Variants in CELSR3 observed in about 807,000 individuals in gnomAD.
The protein encoded by CELSR3 is EGF-like protein 1.
CELSR3 carries 73 observed loss-of-function variants against 270.0 expected under a neutral mutation model. The observed-to-expected ratio is 0.27, with a 90% CI of 0.22 to 0.33. The LOEUF is 0.33. CELSR3 is among the 10% of genes least tolerant of loss of function. The pLI is 1.00. For missense variants in CELSR3, 3,614 were observed against 4,533.8 expected, an observed-to-expected ratio of 0.80 and a Z score of 5.83; for synonymous variants, 1,780 against 1,905.4, an observed-to-expected ratio of 0.93 and a Z score of 1.71.
chr3:48,648,981 G>A (rs2047112968), intron 17 of CELSR3, 53 bp from the exon 18 acceptor site: 1 of 1,590,176 alleles, frequency 6.3e-7, no homozygotes, highest in Non-Finnish European at 8.6e-7. Context: ...TTCCTCTAAA[G>A]CTTCACAGGG....
At position 48,657,188 on chromosome 3, in the gene CELSR3, G is replaced by A. The variant is rs760359780; in HGVS notation, c.3909C>T (p.Leu1303=). 3 of 1,613,870 alleles carry A rather than the reference G, an allele frequency of 1.9e-6. No individual in the cohort carries two copies. Among genetic ancestry groups the A allele is most frequent in the East Asian group, 2.2e-5 (1 of 44,876 alleles). ...GRFLEGVAAV[L]ATPAEDVFIF... ...TGAAGACGTCCTCAGCGGGCGTAGC[G>A]AGCACCGCAGCCACGCCCTCGAGGA... Residue 1303 remains leucine (L), a synonymous_variant, in exon 2 of 35, where the codon CTC becomes CTT. Coordinates refer to ENST00000164024, the MANE Select transcript of CELSR3 (RefSeq NM_001407.3). This position sits in a 1 kb window ranked among gnomAD's most constrained non-coding sequence, Gnocchi z 5.4.
rs777018320 is a variant in CELSR3, at chr3:48,659,862, C to T, written c.2773G>A (p.Val925Met). Reference sequence around the variant, plus strand: ...GCTGTGATAGCCAGGGTGTAGGTCACCTGGTCCTCATAGTCTAATGGGGCC... The same window carrying T: ...GCTGTGATAGCCAGGGTGTAGGTCATCTGGTCCTCATAGTCTAATGGGGCC... ...LQAPLDYEDQ[V>M]TYTLAITARD... is the part of the protein sequence containing the mutation. Residue 925 changes from valine (V) to methionine (M), a missense_variant, in exon 1 of 35, where the codon GTG becomes ATG. Physicochemically the swap from Val to Met is conservative, Grantham distance 21. Around this residue, in one of 7 missense-constraint regions of CELSR3, gnomAD observed 1,331 missense variants for 1,933.7 expected, o/e 0.69. Transcript: ENST00000164024. This position sits in a 1 kb window ranked among gnomAD's most constrained non-coding sequence, Gnocchi z 8.1. 1.2e-6 allele frequency: 2 copies of T among 1,614,160 alleles called. No individual in the cohort carries two copies. Among genetic ancestry groups the T allele is most frequent in the Admixed American group, 3.3e-5 (2 of 60,018 alleles).
Position 48,652,481 on chromosome 3 carries a change from CG to C in CELSR3, c.5706del (p.Gly1903AlafsTer36). ...CCCTGAGGAGCCTCCTCTGCACTGCCGGGGGGCAGGCCTCCCACGTGGAGCT... is the reference window on the plus strand; with the variant it reads ...CCCTGAGGAGCCTCCTCTGCACTGCCGGGGGCAGGCCTCCCACGTGGAGCT... ...VKQLHVGGLP[P>X]GSAEEAPQGL... On this transcript the variant is annotated frameshift_variant, in exon 11 of 35. Transcript: ENST00000164024. LOFTEE classifies it high-confidence loss of function. The surrounding 1 kb of genome is among the most constrained non-coding windows in gnomAD (Gnocchi z 4.3). The C allele has an allele frequency of 6.2e-7, 1 of 1,613,736 alleles. No individual in the cohort carries two copies. The highest frequency in any genetic ancestry group is 8.5e-7 in the Non-Finnish European group (1 of 1,179,934).
At chr3:48,656,572 T>C in intron 2 of CELSR3, 126 bp downstream of exon 2, 1 of 1,308,706 alleles carries the variant, frequency 7.6e-7, no homozygotes, top group Non-Finnish European at 1.0e-6. Context: ...CTCTACGGCT[T>C]CTGGCCTAAG....
rs2047050402 is a variant in CELSR3 at position 48,643,624 on chromosome 3, A to G, written c.8219T>C (p.Phe2740Ser). ...LLLLVSASWLFGLLAVNHSIL... is the reference protein window; with the variant it reads ...LLLLVSASWLSGLLAVNHSIL... ...GCTGTGGTTGACTGCCAGGAGCCCA[A>G]AGAGCCAGGAGGCACTGACCAGCAG... Residue 2740 changes from phenylalanine (F) to serine (S), a missense_variant, in exon 28 of 35, where the codon TTT becomes TCT. Transcript: ENST00000164024. The G allele has an allele frequency of 6.4e-7, 1 of 1,551,376 alleles. No homozygotes were observed. Among genetic ancestry groups the G allele is most frequent in the Non-Finnish European group, 8.7e-7 (1 of 1,147,126 alleles).
In CELSR3 at chr3:48,640,396, G is replaced by A. The variant is rs1292678337; in HGVS notation, c.9189C>T (p.Ala3063=). ...GGGTGSLSQP[A]SRYSSREQLD... ...GCTGTTCTCTAGAAGAGTAGCGGCTGGCTGGCTGTGAAAGGCTGCCCGTGC... is the reference window on the plus strand; with the variant it reads ...GCTGTTCTCTAGAAGAGTAGCGGCTAGCTGGCTGTGAAAGGCTGCCCGTGC... The change falls in exon 34 of 35, where the codon GCC becomes GCT. Residue 3063 remains alanine, a synonymous_variant. Coordinates refer to ENST00000164024, the MANE Select transcript of CELSR3 (RefSeq NM_001407.3). The surrounding 1 kb of genome is among the most constrained non-coding windows in gnomAD (Gnocchi z 7.5). 6 of 1,612,550 alleles carry A rather than the reference G, an allele frequency of 3.7e-6. No homozygotes were observed. Among genetic ancestry groups the A allele is most frequent in the Non-Finnish European group, 5.1e-6 (6 of 1,179,930 alleles).
chr3:48,655,826 GC>G lies in CELSR3; in HGVS notation c.4650del (p.Leu1551CysfsTer8). The G allele has an allele frequency of 7.5e-7, 1 of 1,341,176 alleles. No individual in the cohort carries two copies. The highest frequency in any genetic ancestry group is 1.2e-5 in the South Asian group (1 of 86,922). The allele number at this position is 1,341,176 out of a possible 1,614,324, so 83.1% of individuals were successfully genotyped here. ...SLSFATVQQS[G>X]LLFYNGRLNE... The stretch of plus-strand genomic sequence containing the variant: ...TTCAGGCGCCCGTTGTAGAAGAGCA[GC>G]CCGCTCTGCTGCACTGTCGCGAACC... On this transcript the variant is annotated frameshift_variant, in exon 4 of 35. Transcript: ENST00000164024. LOFTEE classifies it high-confidence loss of function. The surrounding 1 kb of genome is among the most constrained non-coding windows in gnomAD (Gnocchi z 5.8).
Position 48,653,520 on chromosome 3 carries a change from G to GA in CELSR3, c.5448+98dup. The GA allele has an allele frequency of 7.0e-7, 1 of 1,437,234 alleles. No homozygotes were observed. The highest frequency in any genetic ancestry group is 1.3e-5 in the South Asian group (1 of 78,422). 89.0% of individuals were successfully genotyped at this position (1,437,234 alleles called of 1,614,324 possible). A position where few individuals can be genotyped will look rare whatever the true frequency, so the allele number is the denominator to read the frequency against. ...TCAAGTGTGGTTGGGACACCTGGCA[G>GA]AAAAGTATGCTGTGTGACCAACCTG... On this transcript the variant is annotated intron_variant, in intron 9 of 34. Transcript: ENST00000164024. This position sits in a 1 kb window ranked among gnomAD's most constrained non-coding sequence, Gnocchi z 6.5.
chr3:48,640,717 C>A lies in CELSR3; in HGVS notation c.9026-158G>T. On this transcript the variant is annotated intron_variant, in intron 33 of 34. Coordinates refer to ENST00000164024, the MANE Select transcript of CELSR3 (RefSeq NM_001407.3). The surrounding 1 kb of genome is among the most constrained non-coding windows in gnomAD (Gnocchi z 7.5). ...GCAGCAGAGGCAACCCTGGTGGTCC[C>A]AGAGAGGCAGCAGGACAGGGGTCAG... is the stretch of plus-strand genomic sequence containing the variant. The A allele has an allele frequency of 1.3e-6, 1 of 742,908 alleles. No individual in the cohort carries two copies. Among genetic ancestry groups the A allele is most frequent in the Non-Finnish European group, 2.1e-6 (1 of 477,520 alleles). 46.0% of individuals were successfully genotyped at this position (742,908 alleles called of 1,614,324 possible).
chr3:48,646,959 G>A lies in CELSR3; in HGVS notation c.7130-31C>T, dbSNP rs1439844349. On this transcript the variant is annotated intron_variant, in intron 20 of 34. Coordinates refer to ENST00000164024, the MANE Select transcript of CELSR3 (RefSeq NM_001407.3). The surrounding 1 kb of genome is among the most constrained non-coding windows in gnomAD (Gnocchi z 4.8). ...AGGAGAGAAGGAGGAGCTTCTGTCA[G>A]TGACCTTTGACCCAAAGCACCCACC... 1.3e-6 allele frequency: 2 copies of A among 1,490,330 alleles called. No individual in the cohort carries two copies. Among genetic ancestry groups the A allele is most frequent in the South Asian group, 1.3e-5 (1 of 75,914 alleles). The allele number at this position is 1,490,330 out of a possible 1,614,324, so 92.3% of individuals were successfully genotyped here.
At position 48,641,555 on chromosome 3, in the gene CELSR3, C is replaced by T; in HGVS notation, c.8825-31G>A. On this transcript the variant is annotated intron_variant, in intron 32 of 34. Transcript: ENST00000164024. The surrounding 1 kb of genome is among the most constrained non-coding windows in gnomAD (Gnocchi z 4.8). Reference sequence around the variant, plus strand: ...GAGCCAGGTCAGGTTACAGGAGCTTCTGGGTTGATCCCAGTGACTCATGAC... The same window carrying T: ...GAGCCAGGTCAGGTTACAGGAGCTTTTGGGTTGATCCCAGTGACTCATGAC... 1 of 1,535,482 alleles carries T rather than the reference C, an allele frequency of 6.5e-7. No homozygotes were observed. The highest frequency in any genetic ancestry group is 1.1e-5 in the South Asian group (1 of 89,194).
chr3:48,641,153 C>G lies in CELSR3; in HGVS notation c.9025+171G>C. On this transcript the variant is annotated intron_variant, in intron 33 of 34. Coordinates refer to ENST00000164024, the MANE Select transcript of CELSR3 (RefSeq NM_001407.3). The surrounding 1 kb of genome is among the most constrained non-coding windows in gnomAD (Gnocchi z 4.8). The stretch of plus-strand genomic sequence containing the variant: ...AGAGGGGGACAGAGAATTCCCAGGT[C>G]AGGACAGGAGCAGTCCCTGAGGACC... The G allele has an allele frequency of 1.6e-6, 1 of 607,036 alleles. No individual in the cohort carries two copies. Among genetic ancestry groups the G allele is most frequent in the East Asian group, 2.8e-5 (1 of 36,058 alleles). The allele number at this position is 607,036 out of a possible 1,614,324, so 37.6% of individuals were successfully genotyped here.
In CELSR3 at chr3:48,644,022, G is replaced by A. The variant is rs1235614418; in HGVS notation, c.8165+194C>T. On this transcript the variant is annotated intron_variant, in intron 27 of 34. Coordinates refer to ENST00000164024, the MANE Select transcript of CELSR3 (RefSeq NM_001407.3). The surrounding 1 kb of genome is among the most constrained non-coding windows in gnomAD (Gnocchi z 4.8). ...CCCAGAGGACAAGGAGAGACAGCAG[G>A]GCAGAAGCACATGTGGGGCTACAGT... 1 of 601,920 alleles carries A rather than the reference G, an allele frequency of 1.7e-6. No homozygotes were observed. Among genetic ancestry groups the A allele is most frequent in the Non-Finnish European group, 3.0e-6 (1 of 337,792 alleles). The allele number at this position is 601,920 out of a possible 1,614,324, so 37.3% of individuals were successfully genotyped here.
Position 48,637,284 on chromosome 3 carries a change from A to G in CELSR3, c.*921T>C, listed in dbSNP as rs2046979858. Reference sequence around the variant, plus strand: ...GTAAACATAGGAGGCAGTGGCACCTACATTCTGGGTCTTGAATTCCCTTGT... The same window carrying G: ...GTAAACATAGGAGGCAGTGGCACCTGCATTCTGGGTCTTGAATTCCCTTGT... On this transcript the variant is annotated 3_prime_UTR_variant, in exon 35 of 35. Transcript: ENST00000164024. 6.6e-6 allele frequency: 1 copy of G among 152,610 alleles called. No homozygotes were observed. The highest frequency in any genetic ancestry group is 2.4e-5 in the African/African-American group (1 of 41,426). 9.5% of individuals were successfully genotyped at this position (152,610 alleles called of 1,614,324 possible).
In CELSR3 at chr3:48,641,724, G is replaced by T; in HGVS notation, c.8824+127C>A. On this transcript the variant is annotated intron_variant, in intron 32 of 34. Transcript: ENST00000164024. The surrounding 1 kb of genome is among the most constrained non-coding windows in gnomAD (Gnocchi z 4.8). ...TGGAGGTGGACAGAGACTAAAAGTT[G>T]GGGAACCTGATGACTGAGGGGTCAG... 1 of 1,043,536 alleles carries T rather than the reference G, an allele frequency of 9.6e-7. No homozygotes were observed. Among genetic ancestry groups the T allele is most frequent in the Non-Finnish European group, 1.3e-6 (1 of 742,490 alleles). 64.6% of individuals were successfully genotyped at this position (1,043,536 alleles called of 1,614,324 possible). A position where few individuals can be genotyped will look rare whatever the true frequency, so the allele number is the denominator to read the frequency against.
rs1458014863 is a variant in CELSR3 at position 48,643,633 on chromosome 3, G to A, written c.8210C>T (p.Ser2737Phe). ...SFLLLLLVSA[S>F]WLFGLLAVNH... ...GACTGCCAGGAGCCCAAAGAGCCAG[G>A]AGGCACTGACCAGCAGAAGCAGCAG... Residue 2737 changes from serine (S) to phenylalanine (F), a missense_variant, in exon 28 of 35, where the codon TCC (serine) becomes TTC (phenylalanine). Transcript: ENST00000164024. 11 of 1,551,560 alleles carry A rather than the reference G, an allele frequency of 7.1e-6. No homozygotes were observed. The highest frequency in any genetic ancestry group is 8.7e-6 in the Non-Finnish European group (10 of 1,147,218).
In CELSR3 at chr3:48,657,733, G is replaced by T. The variant is rs2077034469; in HGVS notation, c.3749-385C>A. On this transcript the variant is annotated intron_variant, in intron 1 of 34. Transcript: ENST00000164024. The surrounding 1 kb of genome is among the most constrained non-coding windows in gnomAD (Gnocchi z 5.4). ...ACTCAGGACACAGAGAGGAGCTAGG[G>T]CCACTGGCCACTCATTCCCAGCCAC... Among the ~76,000 whole-genome samples the T allele has an allele frequency of 6.6e-6, 1 of 152,132 alleles. No homozygotes were observed. The highest frequency in any genetic ancestry group is 2.4e-5 in the African/African-American group (1 of 41,410).
Position 48,662,057 on chromosome 3 carries a change from G to C in CELSR3, c.578C>G (p.Thr193Arg), listed in dbSNP as rs373612551. The C allele has an allele frequency of 8.7e-6, 14 of 1,614,100 alleles. No homozygotes were observed. The highest frequency in any genetic ancestry group is 1.1e-5 in the Non-Finnish European group (13 of 1,180,028). ...KPVSSQRNAGTGSRKRVGTAR... is the reference protein window; with the variant it reads ...KPVSSQRNAGRGSRKRVGTAR... The stretch of plus-strand genomic sequence containing the variant: ...GGTGCCCACTCTTTTGCGGGAGCCT[G>C]TCCCAGCGTTCCGCTGGGAGGACAC... Residue 193 changes from threonine (T) to arginine (R), a missense_variant, in exon 1 of 35, where the codon ACA (threonine) becomes AGA (arginine). This residue lies in a region of CELSR3 where 470 missense variants were observed against 469.7 expected (regional missense o/e 1.00). Coordinates refer to ENST00000164024, the MANE Select transcript of CELSR3 (RefSeq NM_001407.3). This position sits in a 1 kb window ranked among gnomAD's most constrained non-coding sequence, Gnocchi z 7.1.
Position 48,647,957 on chromosome 3 carries a change from C to G in CELSR3, c.7013G>C (p.Arg2338Pro), listed in dbSNP as rs769742462. 6 of 1,612,076 alleles carry G rather than the reference C, an allele frequency of 3.7e-6. No homozygotes were observed. In the South Asian group the frequency reaches 5.5e-5, roughly 15 times the overall value. Reference sequence around the variant, plus strand: ...GTAGCGAGGGTAGCGACGGGCCCCCCGGGGAGAACTGGGGTGCTCCATGCG... The same window carrying G: ...GTAGCGAGGGTAGCGACGGGCCCCCGGGGGAGAACTGGGGTGCTCCATGCG... ...IDRMEHPSSP[R>P]GARRYPRYHS... is the part of the protein sequence containing the mutation. Residue 2338 changes from arginine (R) to proline (P), a missense_variant, in exon 20 of 35, where the codon CGG becomes CCG. Coordinates refer to ENST00000164024, the MANE Select transcript of CELSR3 (RefSeq NM_001407.3).
Sources: gnomAD v4.1 joint callset for allele counts (sites outside exome capture counted in the v4.1 genomes callset) on GRCh38, gnomAD v4.1.1 for gene constraint, gnomAD v4.1.1 regional missense constraint, Gnocchi (gnomAD v3.1) non-coding constraint, MANE v1.5 for transcripts, NCBI Gene and HGNC (gene_info 2026-07-23, HGNC 2026-07-21) for gene names.